The following KCNN3 variants were observed in gnomAD, a reference collection of about 807,000 sequenced individuals.
KCNN3 encodes the protein small conductance calcium-activated potassium channel protein 3.
In KCNN3, 16 loss-of-function variants were observed where a neutral mutation model predicts 62.9. That is an observed-to-expected ratio of 0.25 (90% CI 0.17 to 0.39). The LOEUF (loss-of-function observed/expected upper bound fraction) is 0.39, where lower values mean the gene tolerates loss of function less well. Among genes scored for constraint, KCNN3 ranks in the 10% least tolerant of loss-of-function variants. KCNN3 has a pLI of 1.00. For missense variants in KCNN3, 599 were observed against 949.4 expected (o/e 0.63, Z 4.85); for synonymous variants, 370 against 389.2 (o/e 0.95, Z 0.58).
intron 3 of KCNN3, among the ~76,000 whole-genome samples, chr1:154,765,934 A>G (rs1648248162): frequency 6.6e-6 from 1 of 152,226 alleles, no homozygotes; most frequent in East Asian, 1.9e-4. Context: ...GGCGTGAGCC[A>G]CTGTGCCTGG....
intron 3 of KCNN3, among the ~76,000 whole-genome samples, chr1:154,761,227 A>G (rs1054189377): frequency 6.6e-6 from 1 of 152,222 alleles, no homozygotes; most frequent in African/African-American, 2.4e-5. Flanking sequence ...CACCTTGGGA[A>G]GCTGAGGCGG....
intron 1 of KCNN3, among the ~76,000 whole-genome samples, chr1:154,836,201 G>A (rs1285452788): frequency 6.6e-6 from 1 of 152,188 alleles, no homozygotes; most frequent in Non-Finnish European, 1.5e-5. Flanking sequence ...TGAGTGTTGA[G>A]CAGCCGGAAG....
In KCNN3 at chr1:154,714,599, A is replaced by ATG; in HGVS notation, c.1829+275_1829+276dup. Among the ~76,000 whole-genome samples the ATG allele has an allele frequency of 1.0e-4, 2 of 19,948 alleles. 1 individual carries two copies. 13.1% of individuals were successfully genotyped at this position (19,948 alleles called of 152,430 possible). On this transcript the variant is annotated intron_variant, in intron 6 of 7. Coordinates refer to ENST00000271915, the MANE Select transcript of KCNN3 (RefSeq NM_002249.6). ...GTGTGTGGTGTGTATGGTGTGTGTGATGTGTGGTGTGTGGTGTGTGTGTGT... is the reference window on the plus strand; with the variant it reads ...GTGTGTGGTGTGTATGGTGTGTGTGATGTGTGTGGTGTGTGGTGTGTGTGTGT...
At chr1:154,745,099 G>A (rs1700911315) in intron 3 of KCNN3, among the ~76,000 whole-genome samples, 1 of 152,078 alleles carries the variant, frequency 6.6e-6, no homozygotes, top group African/African-American at 2.4e-5. Context: ...CTTCACCTCT[G>A]TGTCCTATTT....
intron 2 of KCNN3, among the ~76,000 whole-genome samples, chr1:154,792,861 A>AT (rs1297963260): frequency 1.3e-5 from 2 of 151,742 alleles, no homozygotes; most frequent in African/African-American, 2.4e-5. Flanking sequence ...CAGAAGTTTG[A>AT]TTTTTTTTCT....
At chr1:154,808,126 C>T (rs1201485921) in intron 2 of KCNN3, among the ~76,000 whole-genome samples, 1 of 152,176 alleles carries the variant, frequency 6.6e-6, no homozygotes, top group Non-Finnish European at 1.5e-5. Flanking sequence ...AGACAAATTC[C>T]CTGGCTTCCC....
At chr1:154,835,904 C>T (rs1269974832) in intron 1 of KCNN3, among the ~76,000 whole-genome samples, 4 of 152,222 alleles carry the variant, frequency 2.6e-5, no homozygotes, top group African/African-American at 9.6e-5. Flanking sequence ...CCCCACTCTT[C>T]TAACACAGGG....
At position 154,714,859 on chromosome 1, in the gene KCNN3, C is replaced by A. The variant is rs768588764; in HGVS notation, c.1829+17G>T. 2.5e-6 allele frequency: 4 copies of A among 1,612,972 alleles called. No homozygotes were observed. In the South Asian group the frequency reaches 3.3e-5, roughly 13 times the overall value. ...CAGTCTGGTCATCTGATGGCTGAAC[C>A]GCTCTGGCATACTCACTGGTGGATA... On this transcript the variant is annotated intron_variant, in intron 6 of 7. Coordinates refer to ENST00000271915, the MANE Select transcript of KCNN3 (RefSeq NM_002249.6).
At chr1:154,750,462 C>A (rs532270882) in intron 3 of KCNN3, among the ~76,000 whole-genome samples, 1 of 152,336 alleles carries the variant, frequency 6.6e-6, no homozygotes, top group South Asian at 2.1e-4. Context: ...GATGACCCAT[C>A]TGGAGATGCC....
intron 3 of KCNN3, among the ~76,000 whole-genome samples, chr1:154,735,198 A>G (rs777309010): frequency 5.9e-5 from 9 of 152,278 alleles, no homozygotes; most frequent in Non-Finnish European, 8.8e-5. Flanking sequence ...TGACCAGGCA[A>G]GAAACAGGTG....
chr1:154,773,896 C>T (rs898729316), intron 2 of KCNN3, among the ~76,000 whole-genome samples: 1 of 152,214 alleles, frequency 6.6e-6, no homozygotes, highest in Non-Finnish European at 1.5e-5. Context: ...TCTCCCCACT[C>T]AGAGAAGGGG....
chr1:154,866,368 C>T (rs1336625102), intron 1 of KCNN3, among the ~76,000 whole-genome samples: 6 of 152,176 alleles, frequency 3.9e-5, no homozygotes, highest in African/African-American at 4.8e-5. Context: ...CAGGCAGATA[C>T]GTGCCTTACA....
intron 2 of KCNN3, among the ~76,000 whole-genome samples, chr1:154,786,733 G>A (rs1253348028): frequency 6.6e-6 from 1 of 152,130 alleles, no homozygotes; most frequent in African/African-American, 2.4e-5. Context: ...CAGGGAGATG[G>A]GAATCAGGGA....
intron 5 of KCNN3, among the ~76,000 whole-genome samples, chr1:154,719,451 T>G (rs1398093870): frequency 6.6e-6 from 1 of 152,160 alleles, no homozygotes; most frequent in Non-Finnish European, 1.5e-5. Context: ...TATGGCACAT[T>G]CCTGTACTGT....
chr1:154,794,637 C>A (rs892281277), intron 2 of KCNN3, among the ~76,000 whole-genome samples: 1 of 152,172 alleles, frequency 6.6e-6, no homozygotes, highest in Non-Finnish European at 1.5e-5. Flanking sequence ...TTGAGGCCCA[C>A]AAGGAACAGG....
chr1:154,758,985 T>G (rs772267538), intron 3 of KCNN3, among the ~76,000 whole-genome samples: 1 of 152,144 alleles, frequency 6.6e-6, no homozygotes, highest in Non-Finnish European at 1.5e-5. Flanking sequence ...TTTTTGTATT[T>G]TTAATAGAGA....
intron 1 of KCNN3, among the ~76,000 whole-genome samples, chr1:154,848,362 C>T (rs936186453): frequency 3.3e-5 from 5 of 152,172 alleles, no homozygotes; most frequent in African/African-American, 7.2e-5. Context: ...CCCACTGCCC[C>T]GAGCTGGGTT....
At chr1:154,794,852 A>AG (rs1649661008) in intron 2 of KCNN3, among the ~76,000 whole-genome samples, 1 of 152,180 alleles carries the variant, frequency 6.6e-6, no homozygotes, top group African/African-American at 2.4e-5. Flanking sequence ...GGAACCCAGT[A>AG]GCGAGCCTGT....
intron 2 of KCNN3, among the ~76,000 whole-genome samples, chr1:154,820,113 T>C (rs1057394822): frequency 9.9e-5 from 15 of 152,180 alleles, no homozygotes; most frequent in African/African-American, 3.4e-4. Context: ...AGATTGGCCA[T>C]GAGCTGGACA....
Sources: gnomAD v4.1 joint callset for allele counts (sites outside exome capture counted in the v4.1 genomes callset) on GRCh38, gnomAD v4.1.1 for gene constraint, MANE v1.5 for transcripts, NCBI Gene and HGNC (gene_info 2026-07-23, HGNC 2026-07-21) for gene names.